Variants in IKZF1 observed in about 807,000 individuals in gnomAD.
IKZF1 encodes the protein IKAROS family zinc finger 1.
Under a neutral mutation model 51.7 loss-of-function variants are expected in IKZF1, and 10 were observed. The observed-to-expected ratio is 0.19, with a 90% CI of 0.12 to 0.33. IKZF1 has a LOEUF of 0.33. Ranked by LOEUF, IKZF1 falls within the 10% of genes least tolerant of loss-of-function variation. The pLI is 1.00. For missense variants in IKZF1, 484 were observed against 707.5 expected, an observed-to-expected ratio of 0.68 and a Z score of 3.58; for synonymous variants, 280 against 282.3, an observed-to-expected ratio of 0.99 and a Z score of 0.08.
intron 6 of IKZF1, among the ~76,000 whole-genome samples, chr7:50,390,726 T>C (rs1048172211): frequency 3.3e-5 from 5 of 152,220 alleles, no homozygotes; most frequent in Admixed American, 1.3e-4. Flanking sequence ...GATATATACA[T>C]GAGATAATTG....
rs1798201540 is a variant in IKZF1 at position 50,338,074 on chromosome 7, A to C, written c.160+10317A>C. Among the ~76,000 whole-genome samples, 9 of 152,164 alleles carry C rather than the reference A, an allele frequency of 5.9e-5. No individual in the cohort carries two copies. The South Asian group carries it at 1.9e-3, about 31-fold the overall frequency. On this transcript the variant is annotated intron_variant, in intron 3 of 7. Coordinates refer to ENST00000331340, the MANE Select transcript of IKZF1 (RefSeq NM_006060.6). The stretch of plus-strand genomic sequence containing the variant: ...ATAGCCAGTAATGTTCCAGAATCTG[A>C]CATGTGAATTTTAAAAAAAAACTAT...
In IKZF1 at chr7:50,376,337, A is replaced by T. The variant is rs534994699; in HGVS notation, c.161-196A>T. Among the ~76,000 whole-genome samples, 1 of 152,326 alleles carries T rather than the reference A, an allele frequency of 6.6e-6. No homozygotes were observed. Among genetic ancestry groups the T allele is most frequent in the East Asian group, 1.9e-4 (1 of 5,190 alleles). On this transcript the variant is annotated intron_variant, in intron 3 of 7. Coordinates refer to ENST00000331340, the MANE Select transcript of IKZF1 (RefSeq NM_006060.6). The surrounding 1 kb of genome is among the most constrained non-coding windows in gnomAD (Gnocchi z 4.5). The stretch of plus-strand genomic sequence containing the variant: ...CAGATCTCCCTGTAACCCCAGGTGC[A>T]TCCCGAGGCCTGCCACCGAAGCCCA...
At chr7:50,382,392 G>A (rs1420087520) in intron 4 of IKZF1, 148 bp from the exon 5 acceptor site, 1 of 1,160,636 alleles carries the variant, frequency 8.6e-7, no homozygotes. Flanking sequence ...TAAGGAGCTG[G>A]CAGGTTTAGT....
chr7:50,393,507 T>C (rs1815797974), intron 7 of IKZF1, among the ~76,000 whole-genome samples: 1 of 152,054 alleles, frequency 6.6e-6, no homozygotes, highest in African/African-American at 2.4e-5. Context: ...AGGGCTCCAT[T>C]TTGACCTTTT....
chr7:50,329,504 G>T (rs1323787620), intron 3 of IKZF1, among the ~76,000 whole-genome samples: 2 of 152,022 alleles, frequency 1.3e-5, no homozygotes, highest in Non-Finnish European at 2.9e-5. Context: ...CCACTACGAG[G>T]GTTCCTTTCA....
At chr7:50,345,273 A>G (rs1800073572) in intron 3 of IKZF1, among the ~76,000 whole-genome samples, 1 of 152,194 alleles carries the variant, frequency 6.6e-6, no homozygotes, top group Non-Finnish European at 1.5e-5. Flanking sequence ...AGTCTTAAAA[A>G]CTATAAAGAA....
At chr7:50,303,672 A>G (rs1788094848), upstream of IKZF1, among the ~76,000 whole-genome samples, 2 of 152,034 alleles carry the variant, frequency 1.3e-5, no homozygotes, top group African/African-American at 4.8e-5. The surrounding 1 kb of genome is among the most constrained non-coding windows in gnomAD (Gnocchi z 4.7). Context: ...AAGGGGCCCC[A>G]GTTCCAGGGA....
In IKZF1 at chr7:50,376,328, C is replaced by T. The variant is rs1203382357; in HGVS notation, c.161-205C>T. 6.6e-6 allele frequency among the ~76,000 whole-genome samples: 1 copy of T among 152,234 alleles called. No homozygotes were observed. Among genetic ancestry groups the T allele is most frequent in the East Asian group, 1.9e-4 (1 of 5,204 alleles). On this transcript the variant is annotated intron_variant, in intron 3 of 7. Transcript: ENST00000331340. The surrounding 1 kb of genome is among the most constrained non-coding windows in gnomAD (Gnocchi z 4.5). ...GAGGGCTGGCAGATCTCCCTGTAAC[C>T]CCAGGTGCATCCCGAGGCCTGCCAC...
At chr7:50,382,461 G>C in intron 4 of IKZF1, 79 bp from the exon 5 acceptor site, 1 of 1,485,406 alleles carries the variant, frequency 6.7e-7, no homozygotes, top group Non-Finnish European at 9.0e-7. Context: ...GCCCCCGTGG[G>C]AAACAACTTT....
Position 50,391,820 on chromosome 7 carries a change from T to C in IKZF1, c.807T>C (p.Ser269=), listed in dbSNP as rs1165586786. Reference sequence around the variant, plus strand: ...CTCTCGTGCTGGACAGACTAGCAAGTAACGTCGCCAAACGTAAGAGCTCTA... The same window carrying C: ...CTCTCGTGCTGGACAGACTAGCAAGCAACGTCGCCAAACGTAAGAGCTCTA... The part of the protein sequence containing the change: ...ERSLVLDRLA[S]NVAKRKSSMP... Residue 269 remains serine (S), a synonymous_variant, in exon 7 of 8, where the codon AGT becomes AGC. Transcript: ENST00000331340. The C allele has an allele frequency of 6.2e-7, 1 of 1,613,968 alleles. No homozygotes were observed. The highest frequency in any genetic ancestry group is 2.2e-5 in the East Asian group (1 of 44,876).
Position 50,404,072 on chromosome 7 carries a change from A to G in IKZF1, c.*3445A>G. 4.6e-6 allele frequency: 1 copy of G among 215,716 alleles called. No individual in the cohort carries two copies. Among genetic ancestry groups the G allele is most frequent in the Non-Finnish European group, 9.4e-6 (1 of 106,596 alleles). 13.4% of individuals were successfully genotyped at this position (215,716 alleles called of 1,614,324 possible). Reference sequence around the variant, plus strand: ...AAGATGTACAGGCATCAGAAAAAAGAAGCACATAATGCTTTTGGTGCGATG... The same window carrying G: ...AAGATGTACAGGCATCAGAAAAAAGGAGCACATAATGCTTTTGGTGCGATG... On this transcript the variant is annotated 3_prime_UTR_variant, in exon 8 of 8. Transcript: ENST00000331340.
chr7:50,396,061 C>T (rs776228379), intron 7 of IKZF1, among the ~76,000 whole-genome samples: 11 of 152,062 alleles, frequency 7.2e-5, no homozygotes, highest in Non-Finnish European at 1.2e-4. Context: ...TCTATTCATT[C>T]GGAATAAAAA....
intron 3 of IKZF1, among the ~76,000 whole-genome samples, chr7:50,345,377 A>G (rs1429155520): frequency 6.6e-6 from 1 of 152,216 alleles, no homozygotes; most frequent in African/African-American, 2.4e-5. Flanking sequence ...GATCATGGCA[A>G]ATCAGAGGTA....
At chr7:50,361,224 A>C (rs1805117427) in intron 3 of IKZF1, among the ~76,000 whole-genome samples, 2 of 151,990 alleles carry the variant, frequency 1.3e-5, no homozygotes, top group Non-Finnish European at 2.9e-5. Flanking sequence ...CCCCGTTCTC[A>C]TTATCATTTT....
chr7:50,342,998 C>T (rs1562781504), intron 3 of IKZF1, among the ~76,000 whole-genome samples: 3 of 152,034 alleles, frequency 2.0e-5, no homozygotes, highest in Admixed American at 2.0e-4. Flanking sequence ...TGTTTCTTTC[C>T]TCCTTTTTCC....
chr7:50,370,868 A>G (rs534714667), intron 3 of IKZF1, among the ~76,000 whole-genome samples: 23 of 152,328 alleles, frequency 1.5e-4, no homozygotes, highest in African/African-American at 5.3e-4. Context: ...ATTTATAACT[A>G]TCTTTCCTAT....
chr7:50,398,254 G>A (rs1311625357), intron 7 of IKZF1, among the ~76,000 whole-genome samples: 1 of 152,144 alleles, frequency 6.6e-6, no homozygotes, highest in Non-Finnish European at 1.5e-5. Context: ...TTTCCACAGT[G>A]AATGAGAAGG....
chr7:50,363,140 CT>C (rs974165099), intron 3 of IKZF1, among the ~76,000 whole-genome samples: 10 of 152,112 alleles, frequency 6.6e-5, no homozygotes, highest in African/African-American at 2.2e-4. Flanking sequence ...AGAGCTGGGT[CT>C]GGGGGAAAAG....
intron 2 of IKZF1, among the ~76,000 whole-genome samples, chr7:50,320,324 GAC>G (rs1792853301): frequency 1.3e-5 from 2 of 151,834 alleles, no homozygotes; most frequent in African/African-American, 2.4e-5. Context: ...TGTGTACATA[GAC>G]ACAAAATAAT....
Sources: gnomAD v4.1 joint callset for allele counts (sites outside exome capture counted in the v4.1 genomes callset) on GRCh38, gnomAD v4.1.1 for gene constraint, Gnocchi (gnomAD v3.1) non-coding constraint, MANE v1.5 for transcripts, NCBI Gene and HGNC (gene_info 2026-07-23, HGNC 2026-07-21) for gene names.